DLG2: variants seen among roughly 807,000 people sequenced by gnomAD.
DLG2 encodes disks large homolog 2.
Under a neutral mutation model 132.5 loss-of-function variants are expected in DLG2, and 45 were observed. The observed-to-expected ratio is 0.34, with a 90% CI of 0.27 to 0.44. The LOEUF is 0.44. Among genes scored for constraint, DLG2 ranks in the 20% least tolerant of loss-of-function variants. DLG2 has a pLI of 1.00. For synonymous variants in DLG2, 424 were observed against 419.6 expected, an observed-to-expected ratio of 1.01 and a Z score of -0.13; for missense variants, 1,045 against 1,196.9, an observed-to-expected ratio of 0.87 and a Z score of 1.87.
intron 3 of DLG2, among the ~76,000 whole-genome samples, chr11:85,289,617 A>G (rs1382625582): frequency 1.3e-5 from 2 of 152,140 alleles, no homozygotes; most frequent in African/African-American, 4.8e-5. Context: ...ATGTGTTAAA[A>G]CATACGCCTA....
At chr11:85,548,233 ACAGT>A (rs1322587002) in intron 3 of DLG2, among the ~76,000 whole-genome samples, 16 of 152,146 alleles carry the variant, frequency 1.1e-4, no homozygotes, top group African/African-American at 2.4e-4. Context: ...TTTCCTTCTG[ACAGT>A]CAGGCCCCTC....
chr11:85,291,630 G>A (rs978828546), intron 3 of DLG2, among the ~76,000 whole-genome samples: 2 of 137,138 alleles, frequency 1.5e-5, no homozygotes, highest in Admixed American at 7.9e-5. Flanking sequence ...TGTCATCCAC[G>A]TTGGAATGCA....
intron 11 of DLG2, among the ~76,000 whole-genome samples, chr11:84,026,420 A>T (rs1398122779): frequency 6.6e-6 from 1 of 152,120 alleles, no homozygotes; most frequent in African/African-American, 2.4e-5. Context: ...TAGACTTGTA[A>T]AATCATAGAG....
chr11:83,472,864 A>G, intron 22 of DLG2, 87 bp from the exon 23 acceptor site: 1 of 1,122,572 alleles, frequency 8.9e-7, no homozygotes, highest in Non-Finnish European at 1.3e-6. Flanking sequence ...GGAAACAGAC[A>G]CAGCTCAGAG....
intron 6 of DLG2, among the ~76,000 whole-genome samples, chr11:84,963,310 A>G (rs1271783832): frequency 1.3e-5 from 2 of 152,206 alleles, no homozygotes; most frequent in Non-Finnish European, 2.9e-5. Context: ...AATCGGAGGG[A>G]AAAATATCTG....
chr11:83,839,530 TACATTCAC>T (rs2057077121), intron 16 of DLG2, among the ~76,000 whole-genome samples: 1 of 152,208 alleles, frequency 6.6e-6, no homozygotes, highest in Admixed American at 6.5e-5. Flanking sequence ...TCGGCTTGTC[TACATTCAC>T]ATAGCCAGAA....
chr11:84,865,045 G>A (rs2084337115), intron 6 of DLG2, among the ~76,000 whole-genome samples: 1 of 151,978 alleles, frequency 6.6e-6, no homozygotes, highest in Non-Finnish European at 1.5e-5. Context: ...CTTTAAAAAG[G>A]GCTTGACAGT....
At chr11:85,530,853 T>G (rs763878518) in intron 3 of DLG2, among the ~76,000 whole-genome samples, 9 of 152,194 alleles carry the variant, frequency 5.9e-5, no homozygotes, top group Non-Finnish European at 1.2e-4. Flanking sequence ...AAATGCTTTG[T>G]CCCTCTGTAT....
rs557359342 is a variant in DLG2, at chr11:85,072,964, C to T, written c.357+38697G>A. ...ACAACCTAATGCATTCAAAATGAGG[C>T]CATTCAGTTTTTAATGTCAAAAATA... On this transcript the variant is annotated intron_variant, in intron 6 of 27. Transcript: ENST00000376104. Among the ~76,000 whole-genome samples the T allele has an allele frequency of 1.6e-4, 24 of 151,804 alleles. No individual in the cohort carries two copies. In the East Asian group the frequency reaches 4.7e-3, roughly 30 times the overall value.
chr11:85,255,312 A>G (rs1336156150), intron 4 of DLG2, among the ~76,000 whole-genome samples: 1 of 152,222 alleles, frequency 6.6e-6, no homozygotes, highest in Non-Finnish European at 1.5e-5. Context: ...GATATTTACC[A>G]CAGTTAAATC....
intron 3 of DLG2, among the ~76,000 whole-genome samples, chr11:85,365,967 A>C (rs2084519748): frequency 6.6e-6 from 1 of 152,186 alleles, no homozygotes; most frequent in Non-Finnish European, 1.5e-5. Context: ...CAGCATTAGG[A>C]GAAACACCTA....
intron 7 of DLG2, among the ~76,000 whole-genome samples, chr11:84,470,990 C>T (rs1602711837): frequency 6.6e-6 from 1 of 151,908 alleles, no homozygotes; most frequent in South Asian, 2.1e-4. Context: ...TTTTCTTATA[C>T]ACTGTGCTGA....
chr11:84,007,980 G>A (rs2094657597), intron 11 of DLG2, among the ~76,000 whole-genome samples: 1 of 151,694 alleles, frequency 6.6e-6, no homozygotes, highest in Non-Finnish European at 1.5e-5. Context: ...CAAATGTAAT[G>A]TAATACATCA....
At chr11:84,848,499 A>C (rs1473670910) in intron 6 of DLG2, among the ~76,000 whole-genome samples, 2 of 152,090 alleles carry the variant, frequency 1.3e-5, no homozygotes, top group Non-Finnish European at 2.9e-5. Flanking sequence ...ATCTCAGAAA[A>C]ATAAAAAATA....
intron 6 of DLG2, chr11:84,997,244 G>C (rs1283147535): frequency 6.6e-6 from 1 of 152,630 alleles, no homozygotes; most frequent in Non-Finnish European, 1.5e-5. Flanking sequence ...CAAGTTACCT[G>C]TATTTTTCTT....
chr11:84,102,886 G>C (rs2092644461), intron 9 of DLG2, among the ~76,000 whole-genome samples: 1 of 152,020 alleles, frequency 6.6e-6, no homozygotes, highest in South Asian at 2.1e-4. Flanking sequence ...CTTTTGAATT[G>C]ACTACAATAT....
At chr11:84,464,867 T>C (rs985983565) in intron 7 of DLG2, among the ~76,000 whole-genome samples, 1 of 151,066 alleles carries the variant, frequency 6.6e-6, no homozygotes, top group Non-Finnish European at 1.5e-5. Flanking sequence ...TTCTCCCAAC[T>C]CTTAAGCAAA....
chr11:85,084,939 C>T (rs1163603485), intron 6 of DLG2, among the ~76,000 whole-genome samples: 1 of 152,138 alleles, frequency 6.6e-6, no homozygotes, highest in Non-Finnish European at 1.5e-5. Context: ...CAAAGCTATG[C>T]AAATATAGCT....
At chr11:84,896,466 A>C (rs2090197110) in intron 6 of DLG2, among the ~76,000 whole-genome samples, 1 of 152,080 alleles carries the variant, frequency 6.6e-6, no homozygotes, top group Admixed American at 6.6e-5. Context: ...ATCTTTGATA[A>C]GAGAAGGTGT....
Sources: gnomAD v4.1 joint callset for allele counts (sites outside exome capture counted in the v4.1 genomes callset) on GRCh38, gnomAD v4.1.1 for gene constraint, MANE v1.5 for transcripts, NCBI Gene and HGNC (gene_info 2026-07-23, HGNC 2026-07-21) for gene names.